The following IFNAR1 variants were observed in gnomAD, a reference collection of about 807,000 sequenced individuals.
IFNAR1 encodes the protein interferon alpha and beta receptor subunit 1, also known as interferon alpha/beta receptor 1.
Under a neutral mutation model 62.1 loss-of-function variants are expected in IFNAR1, and 47 were observed. The ratio of observed to expected loss-of-function variants is 0.76; its 90% CI spans 0.60 to 0.97. IFNAR1 has a LOEUF of 0.97. Ranked by LOEUF, IFNAR1 falls within the 50% of genes least tolerant of loss-of-function variation. The pLI is 0.00. For missense variants in IFNAR1, 638 were observed against 654.5 expected (o/e 0.97, Z 0.27); for synonymous variants, 219 against 226.9 (o/e 0.97, Z 0.31).
At position 33,341,084 on chromosome 21, in the gene IFNAR1, G is replaced by T. The variant is rs781681455; in HGVS notation, c.286G>T (p.Val96Phe). The T allele has an allele frequency of 3.7e-6, 6 of 1,612,342 alleles. No individual in the cohort carries two copies. Among genetic ancestry groups the T allele is most frequent in the African/African-American group, 1.3e-5 (1 of 74,882 alleles). Residue 96 changes from valine to phenylalanine, a missense_variant, in exon 3 of 11, where the codon GTT becomes TTT. Val to Phe is a conservative substitution (Grantham distance 50). Transcript: ENST00000270139. ...CAACTTTTCTTCACTCAAGCTGAAT[G>T]TTTATGAAGAAATTAAATTGCGTAT... Reference protein sequence around the residue: ...KCNFSSLKLNVYEEIKLRIRA... With the variant: ...KCNFSSLKLNFYEEIKLRIRA...
chr21:33,330,205 G>A (rs1407326729), intron 1 of IFNAR1, among the ~76,000 whole-genome samples: 2 of 152,148 alleles, frequency 1.3e-5, no homozygotes, highest in Non-Finnish European at 2.9e-5. Context: ...TGGGATCTGT[G>A]CTCTTGATTG....
upstream of IFNAR1, chr21:33,324,835 G>A (rs2083107290): frequency 1.4e-5 from 8 of 572,228 alleles, no homozygotes; most frequent in South Asian, 8.5e-5. Flanking sequence ...TTGGAGAAGG[G>A]GTGCTAGCTA....
chr21:33,331,594 AC>A (rs1281308376), intron 1 of IFNAR1, among the ~76,000 whole-genome samples: 1 of 151,618 alleles, frequency 6.6e-6, no homozygotes, highest in Non-Finnish European at 1.5e-5. Context: ...GCTGTTCCCT[AC>A]CCCCCATTCC....
chr21:33,347,313 A>G (rs911792169), intron 6 of IFNAR1, among the ~76,000 whole-genome samples: 2 of 152,124 alleles, frequency 1.3e-5, no homozygotes, highest in Admixed American at 1.3e-4. Context: ...TAGTTTTAGT[A>G]GAAACGGGGT....
intron 6 of IFNAR1, among the ~76,000 whole-genome samples, chr21:33,347,877 G>A (rs7280108): frequency 0.049 from 7,512 of 152,218 alleles, 648 homozygotes; most frequent in African/African-American, 0.17. Flanking sequence ...AGGTGGCAAT[G>A]GGAAGAAAGC....
At chr21:33,349,777 T>C (rs901354561) in intron 8 of IFNAR1, among the ~76,000 whole-genome samples, 1 of 151,970 alleles carries the variant, frequency 6.6e-6, no homozygotes, top group Non-Finnish European at 1.5e-5. Context: ...TTTTAAAAAA[T>C]TAGCCTGGTG....
At chr21:33,333,405 C>T (rs17875789) in intron 1 of IFNAR1, among the ~76,000 whole-genome samples, 14,168 of 151,886 alleles carry the variant, frequency 0.093, 953 homozygotes, top group African/African-American at 0.18. Context: ...ATAAAACTCT[C>T]TGATAGAGCA....
rs754195769 is a variant in IFNAR1 at position 33,355,559 on chromosome 21, A to G, written c.*10A>G. 2.7e-6 allele frequency: 4 copies of G among 1,468,966 alleles called. No individual in the cohort carries two copies. The East Asian group carries it at 6.9e-5, about 25-fold the overall frequency. The allele number at this position is 1,468,966 out of a possible 1,614,324, so 91.0% of individuals were successfully genotyped here. On this transcript the variant is annotated 3_prime_UTR_variant, in exon 11 of 11. Coordinates refer to ENST00000270139, the MANE Select transcript of IFNAR1 (RefSeq NM_000629.3). ...GCAGGACTTTGTATGACCAGAAATGAACTGTGTCAAGTATAAGGTTTTTCA... is the reference window on the plus strand; with the variant it reads ...GCAGGACTTTGTATGACCAGAAATGGACTGTGTCAAGTATAAGGTTTTTCA...
At chr21:33,350,712 G>T (rs1285516086) in intron 8 of IFNAR1, among the ~76,000 whole-genome samples, 1 of 152,072 alleles carries the variant, frequency 6.6e-6, no homozygotes, top group Non-Finnish European at 1.5e-5. Flanking sequence ...TTTTCTATTG[G>T]AAATCTAAGC....
chr21:33,325,669 A>G (rs1219841212), intron 1 of IFNAR1, among the ~76,000 whole-genome samples: 1 of 152,150 alleles, frequency 6.6e-6, no homozygotes, highest in Non-Finnish European at 1.5e-5. Context: ...GAAAAACGTG[A>G]GCCACAAACA....
intron 5 of IFNAR1, among the ~76,000 whole-genome samples, chr21:33,344,932 C>T (rs574568149): frequency 8.1e-4 from 123 of 152,086 alleles, no homozygotes; most frequent in Non-Finnish European, 1.4e-3. Context: ...GGATTACAGG[C>T]GTGTGCCATC....
intron 6 of IFNAR1, among the ~76,000 whole-genome samples, chr21:33,348,410 C>G (rs925574882): frequency 4.6e-5 from 7 of 152,004 alleles, no homozygotes; most frequent in Non-Finnish European, 8.8e-5. Flanking sequence ...ATAAAGATAG[C>G]CCCAAGAGCT....
In IFNAR1 at chr21:33,349,117, A is replaced by G. The variant is rs1257850924; in HGVS notation, c.815A>G (p.Asn272Ser). 21 of 1,600,864 alleles carry G rather than the reference A, an allele frequency of 1.3e-5. No individual in the cohort carries two copies. The highest frequency in any genetic ancestry group is 5.1e-6 in the Non-Finnish European group (6 of 1,173,406). ...LHAFLKRNPG[N>S]HLYKWKQIPD... is the part of the protein sequence containing the mutation. ...GCCTTTTTAAAAAGGAATCCTGGAA[A>G]CCATTTGTATAAATGGAAACAAATA... is the stretch of plus-strand genomic sequence containing the variant. The change falls in exon 7 of 11, where the codon AAC becomes AGC. Residue 272 changes from asparagine to serine, a missense_variant. Asn to Ser is a conservative substitution (Grantham distance 46, BLOSUM62 1). Transcript: ENST00000270139.
chr21:33,324,586 C>A, upstream of IFNAR1: 1 of 157,336 alleles, frequency 6.4e-6, no homozygotes, highest in Admixed American at 6.4e-5. Context: ...CGCCCTCCGA[C>A]TGCAGACATG....
Position 33,343,369 on chromosome 21 carries a change from G to A in IFNAR1, c.478G>A (p.Gly160Ser), listed in dbSNP as rs758165453. The change falls in exon 4 of 11, where the codon GGT becomes AGT. Residue 160 changes from glycine (G) to serine (S), a missense_variant. By Grantham distance (56) the Gly-to-Ser change is moderately conservative. Transcript: ENST00000270139. ...TKDSVMWALD[G>S]LSFTYSLVIW... ...AGATAGTGTTATGTGGGCTTTGGAT[G>A]GTTTAAGCTTTACATATAGCTTAGT... 5.6e-6 allele frequency: 9 copies of A among 1,612,602 alleles called. No individual in the cohort carries two copies. Among genetic ancestry groups the A allele is most frequent in the Non-Finnish European group, 7.6e-6 (9 of 1,178,848 alleles).
intron 10 of IFNAR1, 114 bp from the exon 11 acceptor site, chr21:33,355,202 A>G: frequency 3.3e-6 from 2 of 604,190 alleles, no homozygotes; most frequent in South Asian, 4.7e-5. Flanking sequence ...TATGCATGCC[A>G]GAAGATAGGT....
At chr21:33,347,343 T>C (rs2123257059) in intron 6 of IFNAR1, among the ~76,000 whole-genome samples, 1 of 152,320 alleles carries the variant, frequency 6.6e-6, no homozygotes, top group Admixed American at 6.5e-5. Context: ...TTGGCCAGGC[T>C]GGTCTCGAAC....
chr21:33,353,120 T>TA (rs2083414779), intron 9 of IFNAR1, among the ~76,000 whole-genome samples: 1 of 152,240 alleles, frequency 6.6e-6, no homozygotes, highest in African/African-American at 2.4e-5. Flanking sequence ...GGATGCTTTA[T>TA]ATTTCATCCA....
chr21:33,333,623 TTTC>T lies in IFNAR1; in HGVS notation c.77-1898_77-1896del, dbSNP rs1241428864. Reference sequence around the variant, plus strand: ...AAGAGACTGGCGGAATATTTTTTTTTTTCTTTTTTTTTTTTTTTGAGACGGAGT... The same window carrying T: ...AAGAGACTGGCGGAATATTTTTTTTTTTTTTTTTTTTTTTTGAGACGGAGT... On this transcript the variant is annotated intron_variant, in intron 1 of 10. Transcript: ENST00000270139. Among the ~76,000 whole-genome samples the T allele has an allele frequency of 4.4e-3, 590 of 134,242 alleles. 65 individuals are homozygous for T. Among genetic ancestry groups the T allele is most frequent in the African/African-American group, 0.018 (560 of 31,958 alleles). 88.1% of individuals were successfully genotyped at this position (134,242 alleles called of 152,430 possible). A position where few individuals can be genotyped will look rare whatever the true frequency, so the allele number is the denominator to read the frequency against.
Sources: allele counts gnomAD v4.1 joint callset (sites outside exome capture counted in the v4.1 genomes callset), GRCh38; gene constraint gnomAD v4.1.1; transcripts MANE v1.5; gene names NCBI Gene and HGNC (gene_info 2026-07-23, HGNC 2026-07-21).